The following VWCE variants were observed in gnomAD, a reference collection of about 807,000 sequenced individuals.
The protein encoded by VWCE is von Willebrand factor C and EGF domain-containing protein.
VWCE carries 68 observed loss-of-function variants against 102.9 expected under a neutral mutation model. That is an observed-to-expected ratio of 0.66 (90% CI 0.54 to 0.81). The LOEUF is 0.81. VWCE is among the 30% of genes least tolerant of loss of function. The probability of loss-of-function intolerance (pLI) is 0.00; values close to 1 mark genes in which losing one functional copy is unlikely to be tolerated. For synonymous variants in VWCE, 497 were observed against 515.4 expected (o/e 0.96, Z 0.48); for missense variants, 1,137 against 1,263.6 (o/e 0.90, Z 1.52).
chr11:61,264,856 G>A, intron 18 of VWCE, 100 bp downstream of exon 18: 1 of 1,304,300 alleles, frequency 7.7e-7, no homozygotes, highest in Non-Finnish European at 1.1e-6. Context: ...GCAGGAGGAT[G>A]GATTTATGCT....
chr11:61,282,898 G>A lies in VWCE; in HGVS notation c.549C>T (p.Asp183=), dbSNP rs755280974. 8 of 1,613,732 alleles carry A rather than the reference G, an allele frequency of 5.0e-6. No homozygotes were observed. The highest frequency in any genetic ancestry group is 2.2e-5 in the South Asian group (2 of 91,090). Residue 183 remains aspartate, a synonymous_variant, in exon 6 of 20, where the codon GAC becomes GAT. Coordinates refer to ENST00000335613, the MANE Select transcript of VWCE (RefSeq NM_152718.2). ...GCTGACAGGGAGTCCCTAGGCATTC[G>A]TCAGTGTCTGGCAGGAAAAGGGACA... ...SADRHSCQDT[D]ECLGTPCQQR... is the part of the protein sequence containing the mutation.
chr11:61,267,436 G>A (rs376496386), intron 16 of VWCE, 26 bp downstream of exon 16: 103 of 1,610,672 alleles, frequency 6.4e-5, no homozygotes, highest in Non-Finnish European at 7.8e-5. Flanking sequence ...TTCCAGGGGC[G>A]GGAGTCAGAT....
At position 61,281,229 on chromosome 11, in the gene VWCE, G is replaced by A. The variant is rs745385446; in HGVS notation, c.794C>T (p.Pro265Leu). Residue 265 changes from proline to leucine, a missense_variant, in exon 8 of 20, where the codon CCG becomes CTG. This residue lies in a region of VWCE where 575 missense variants were observed against 625.9 expected (regional missense o/e 0.92). Transcript: ENST00000335613. ...GGCAGATGGGGCCAGCACGGCTTTC[G>A]GGAAAGCTGAAACAGAAGCACGGAG... ...RADRVSCEAF[P>L]KAVLAPSAIL... 13 of 1,612,234 alleles carry A rather than the reference G, an allele frequency of 8.1e-6. No individual in the cohort carries two copies. The highest frequency in any genetic ancestry group is 1.1e-5 in the South Asian group (1 of 90,996).
At chr11:61,286,534 G>C in intron 4 of VWCE, 104 bp from the exon 5 acceptor site, 1 of 1,064,198 alleles carries the variant, frequency 9.4e-7, no homozygotes, top group Non-Finnish European at 1.4e-6. Flanking sequence ...CGGGCATGGT[G>C]GCTCACGCCT....
rs796723545 is a variant in VWCE, at chr11:61,274,481, G to T, written c.1581+18C>A. Reference sequence around the variant, plus strand: ...TCTCCATCAATTCCACAGGCTTTGGGACGCTCAGCCACCATACCTGGCAAA... The same window carrying T: ...TCTCCATCAATTCCACAGGCTTTGGTACGCTCAGCCACCATACCTGGCAAA... On this transcript the variant is annotated intron_variant, in intron 12 of 19. Transcript: ENST00000335613. 1 of 1,611,200 alleles carries T rather than the reference G, an allele frequency of 6.2e-7. No homozygotes were observed. The highest frequency in any genetic ancestry group is 1.1e-5 in the South Asian group (1 of 90,426).
Position 61,273,029 on chromosome 11 carries a change from AC to A in VWCE, c.1699+169del, listed in dbSNP as rs533684391. 1.0e-4 allele frequency among the ~76,000 whole-genome samples: 15 copies of A among 143,576 alleles called. No homozygotes were observed. In the South Asian group the frequency reaches 3.0e-3, roughly 28 times the overall value. 94.2% of individuals were successfully genotyped at this position (143,576 alleles called of 152,430 possible). A position where few individuals can be genotyped will look rare whatever the true frequency, so the allele number is the denominator to read the frequency against. On this transcript the variant is annotated intron_variant, in intron 13 of 19. Coordinates refer to ENST00000335613, the MANE Select transcript of VWCE (RefSeq NM_152718.2). ...GACACACAAACTTACACACACAGGT[AC>A]ACACTCAGACACACTACACAAAAAC...
At chr11:61,278,868 G>A (rs1489875972) in intron 9 of VWCE, among the ~76,000 whole-genome samples, 7 of 151,936 alleles carry the variant, frequency 4.6e-5, no homozygotes, top group Non-Finnish European at 8.8e-5. Context: ...GTGAAACCCC[G>A]TCTCTACTGA....
At chr11:61,278,256 TA>T in intron 10 of VWCE, 137 bp downstream of exon 10, 1 of 953,166 alleles carries the variant, frequency 1.0e-6, no homozygotes, top group Non-Finnish European at 1.6e-6. Flanking sequence ...CTACAGCTTC[TA>T]ACCAAATTCC....
intron 19 of VWCE, 88 bp downstream of exon 19, chr11:61,264,399 C>T: frequency 1.5e-6 from 2 of 1,330,320 alleles, no homozygotes; most frequent in Non-Finnish European, 2.1e-6. Context: ...TTCTCTTATC[C>T]AGCCCTTTAC....
At chr11:61,276,882 T>TG (rs1854936809) in intron 10 of VWCE, among the ~76,000 whole-genome samples, 1 of 23,262 alleles carries the variant, frequency 4.3e-5, no homozygotes, top group African/African-American at 2.0e-4. Flanking sequence ...AGAGGAGGGA[T>TG]GGGGGGAGGG....
chr11:61,293,711 T>C (rs1233787194), intron 1 of VWCE, among the ~76,000 whole-genome samples: 1 of 152,200 alleles, frequency 6.6e-6, no homozygotes, highest in Non-Finnish European at 1.5e-5. Flanking sequence ...CACTCTGCGC[T>C]GGGCACTGGG....
chr11:61,286,055 G>A (rs938422186), intron 5 of VWCE, among the ~76,000 whole-genome samples: 1 of 152,194 alleles, frequency 6.6e-6, no homozygotes, highest in East Asian at 1.9e-4. Context: ...CACCAGGCCA[G>A]CAGCAGTCGG....
At chr11:61,263,733 C>T (rs1854423892) in intron 19 of VWCE, among the ~76,000 whole-genome samples, 2 of 152,162 alleles carry the variant, frequency 1.3e-5, no homozygotes, top group African/African-American at 4.8e-5. Context: ...CTTCACCTGC[C>T]TGGGCCTGTT....
intron 4 of VWCE, among the ~76,000 whole-genome samples, chr11:61,288,840 T>A (rs572648278): frequency 8.1e-6 from 1 of 122,854 alleles, no homozygotes; most frequent in African/African-American, 4.3e-5. Context: ...TTATGGCGCG[T>A]TTTTTTTTTT....
At chr11:61,279,487 T>C (rs532248512) in intron 9 of VWCE, among the ~76,000 whole-genome samples, 41 of 150,796 alleles carry the variant, frequency 2.7e-4, no homozygotes, top group African/African-American at 9.3e-4. Flanking sequence ...GCTTAAACCC[T>C]AGAGGCGGAG....
At chr11:61,278,567 T>A in intron 9 of VWCE, 91 bp from the exon 10 acceptor site, 2 of 1,197,682 alleles carry the variant, frequency 1.7e-6, no homozygotes, top group Non-Finnish European at 2.5e-6. Context: ...TTAATGTACC[T>A]GGAACATTCT....
intron 1 of VWCE, among the ~76,000 whole-genome samples, chr11:61,293,221 A>G (rs1855566620): frequency 6.9e-6 from 1 of 145,782 alleles, no homozygotes; most frequent in Non-Finnish European, 1.5e-5. Flanking sequence ...AGCCTGGGCA[A>G]CAAGAGCAAA....
intron 11 of VWCE, among the ~76,000 whole-genome samples, chr11:61,276,281 G>T (rs921553081): frequency 1.3e-5 from 2 of 151,914 alleles, no homozygotes; most frequent in Admixed American, 6.6e-5. Context: ...GGCAGCAGGC[G>T]CCTGTAATCC....
intron 9 of VWCE, among the ~76,000 whole-genome samples, chr11:61,278,964 G>A (rs868023755): frequency 1.3e-5 from 2 of 151,984 alleles, no homozygotes; most frequent in Non-Finnish European, 2.9e-5. Flanking sequence ...GCTTGAACCC[G>A]GGAGGCAGAC....
Sources: gnomAD v4.1 joint callset for allele counts (sites outside exome capture counted in the v4.1 genomes callset) on GRCh38, gnomAD v4.1.1 for gene constraint, gnomAD v4.1.1 regional missense constraint, MANE v1.5 for transcripts, NCBI Gene and HGNC (gene_info 2026-07-23, HGNC 2026-07-21) for gene names.